The following ACACA variants were observed in gnomAD, a reference collection of about 807,000 sequenced individuals.
ACACA encodes acetyl-CoA carboxylase alpha.
ACACA carries 103 observed loss-of-function variants against 296.1 expected under a neutral mutation model. The observed-to-expected ratio is 0.35, with a 90% confidence interval of 0.30 to 0.41. The LOEUF (loss-of-function observed/expected upper bound fraction) is 0.41, where lower values mean the gene tolerates loss of function less well. Among genes scored for constraint, ACACA ranks in the 10% least tolerant of loss-of-function variants. The pLI, the probability that ACACA is intolerant of heterozygous loss-of-function variation, is 1.00. For synonymous variants in ACACA, 953 were observed against 1,038.6 expected (o/e 0.92, Z 1.58); for missense variants, 1,554 against 2,989.7 (o/e 0.52, Z 11.20).
intron 30 of ACACA, 94 bp from the exon 31 acceptor site, chr17:37,207,894 T>G: frequency 1.4e-5 from 20 of 1,451,698 alleles, no homozygotes; most frequent in Non-Finnish European, 1.8e-5. Flanking sequence ...GAGAAAACTC[T>G]GAAGTAGGGT....
chr17:37,155,583 A>G (rs553136968), intron 43 of ACACA, 100 bp downstream of exon 43: 74 of 833,908 alleles, frequency 8.9e-5, no homozygotes, highest in Admixed American at 3.8e-4. Flanking sequence ...GTCATCTTCA[A>G]TGTTCTTCAA....
At position 37,206,804 on chromosome 17, in the gene ACACA, C is replaced by T. The variant is rs551257815; in HGVS notation, c.3927G>A (p.Thr1309=). 104 of 1,612,386 alleles carry T rather than the reference C, an allele frequency of 6.5e-5. 1 individual carries two copies. Among genetic ancestry groups the T allele is most frequent in the South Asian group, 3.7e-4 (34 of 91,024 alleles). ...QSPTFPEAGH[T]SLYDEDKVPR... The stretch of plus-strand genomic sequence containing the variant: ...ATACCTTATCCTCATCATAAAGAGA[C>T]GTGTGACCTGCCTCAGGGAATGTGG... The change falls in exon 32 of 56, where the codon ACG becomes ACA. Residue 1309 remains threonine (T), a synonymous_variant. Transcript: ENST00000616317.
intron 39 of ACACA, among the ~76,000 whole-genome samples, chr17:37,185,528 G>A: frequency 6.8e-6 from 1 of 148,004 alleles, no homozygotes; most frequent in East Asian, 2.0e-4. Context: ...TGGGATTACA[G>A]GTATGAGCCA....
chr17:37,275,223 C>T (rs561837385), intron 8 of ACACA, among the ~76,000 whole-genome samples: 4 of 152,138 alleles, frequency 2.6e-5, no homozygotes, highest in South Asian at 2.1e-4. Context: ...TGGCGCCAGG[C>T]GCGGTGGCTC....
intron 29 of ACACA, among the ~76,000 whole-genome samples, chr17:37,214,293 C>T (rs2078887630): frequency 1.3e-5 from 2 of 152,184 alleles, no homozygotes; most frequent in Admixed American, 1.3e-4. Context: ...TGGCATCTCC[C>T]CCACCACCTC....
At chr17:37,233,347 G>T (rs554708178) in intron 25 of ACACA, among the ~76,000 whole-genome samples, 77 of 152,302 alleles carry the variant, frequency 5.1e-4, no homozygotes, top group African/African-American at 1.8e-3. Context: ...AGATTCTTAA[G>T]GCAAGCGTTA....
intron 1 of ACACA, among the ~76,000 whole-genome samples, chr17:37,344,686 T>C (rs1192653465): frequency 6.6e-6 from 1 of 152,058 alleles, no homozygotes; most frequent in Admixed American, 6.6e-5. Context: ...AGAAGAGCAA[T>C]AAATGACTAG....
At chr17:37,132,012 C>T (rs1477336961) in intron 45 of ACACA, among the ~76,000 whole-genome samples, 1 of 152,172 alleles carries the variant, frequency 6.6e-6, no homozygotes, top group Non-Finnish European at 1.5e-5. Flanking sequence ...TTCTCATTCT[C>T]CTGCTGTCTC....
intron 25 of ACACA, among the ~76,000 whole-genome samples, chr17:37,228,749 T>C (rs1053781381): frequency 2.0e-5 from 3 of 152,128 alleles, no homozygotes; most frequent in African/African-American, 7.2e-5. Flanking sequence ...CCAAAATGCC[T>C]AAAAACATAA....
At chr17:37,373,516 G>GA (rs2049882600) in intron 1 of ACACA, among the ~76,000 whole-genome samples, 1 of 149,240 alleles carries the variant, frequency 6.7e-6, no homozygotes, top group South Asian at 2.1e-4. Context: ...AACGTGCTGG[G>GA]ATTACAGGTG....
At position 37,305,525 on chromosome 17, in the gene ACACA, T is replaced by C. The variant is rs562265475; in HGVS notation, c.339-20555A>G. On this transcript the variant is annotated intron_variant, in intron 3 of 55. Transcript: ENST00000616317. Reference sequence around the variant, plus strand: ...AGTATGGGGGATATAGAGTAGTGCATTCAAAGTTCAGGTTTTTCAAGTCTG... The same window carrying C: ...AGTATGGGGGATATAGAGTAGTGCACTCAAAGTTCAGGTTTTTCAAGTCTG... Among the ~76,000 whole-genome samples the C allele has an allele frequency of 2.6e-5, 4 of 152,312 alleles. No individual in the cohort carries two copies. In the East Asian group the frequency reaches 5.8e-4, roughly 22 times the overall value.
intron 1 of ACACA, among the ~76,000 whole-genome samples, chr17:37,374,625 C>G (rs569113879): frequency 3.5e-4 from 54 of 152,122 alleles, no homozygotes; most frequent in Non-Finnish European, 6.5e-4. Context: ...TATGCCATGA[C>G]AAAGTCTACA....
Position 37,248,598 on chromosome 17 carries a change from G to C in ACACA, c.2158C>G (p.Leu720Val). ...ELIYEGVKYV[L>V]KVTRQSPNSY... ...TCCAATGGGGTTCTGCATACCTTAA[G>C]TACATACTTGACTCCCTCATAGATA... Residue 720 changes from leucine (L) to valine (V), a missense_variant, in exon 17 of 56, where the codon CTT becomes GTT. By Grantham distance (32) the Leu-to-Val change is conservative. Transcript: ENST00000616317. 1 of 1,602,258 alleles carries C rather than the reference G, an allele frequency of 6.2e-7. No individual in the cohort carries two copies. The highest frequency in any genetic ancestry group is 8.5e-7 in the Non-Finnish European group (1 of 1,169,882).
Position 37,379,415 on chromosome 17 carries a change from T to A in ACACA, c.38+26847A>T, listed in dbSNP as rs1489859131. 5 of 1,599,766 alleles carry A rather than the reference T, an allele frequency of 3.1e-6. No individual in the cohort carries two copies. In the African/African-American group the frequency reaches 6.7e-5, roughly 21 times the overall value. On this transcript the variant is annotated intron_variant, in intron 1 of 55. Transcript: ENST00000616317. ...TGGAAAAGAGGAAGGGGGCAGGCACTAACTTTTAGTTGACATCCTTGAAGG... is the reference window on the plus strand; with the variant it reads ...TGGAAAAGAGGAAGGGGGCAGGCACAAACTTTTAGTTGACATCCTTGAAGG...
intron 1 of ACACA, among the ~76,000 whole-genome samples, chr17:37,345,550 TG>T (rs993333411): frequency 1.3e-5 from 2 of 151,894 alleles, no homozygotes; most frequent in Non-Finnish European, 2.9e-5. Context: ...AACTTCAACA[TG>T]AAAGACTAAA....
At chr17:37,359,142 G>A (rs912843633) in intron 1 of ACACA, 25 of 985,252 alleles carry the variant, frequency 2.5e-5, no homozygotes, top group Non-Finnish European at 2.9e-5. Context: ...AAGGGGCGGG[G>A]CTTCAGGGGC....
intron 10 of ACACA, among the ~76,000 whole-genome samples, chr17:37,265,728 T>C (rs2081736004): frequency 6.6e-6 from 1 of 152,198 alleles, no homozygotes; most frequent in African/African-American, 2.4e-5. Flanking sequence ...TTGTTTTGTT[T>C]TGTTTTTCAG....
At chr17:37,396,269 G>A (rs940818528) in intron 1 of ACACA, among the ~76,000 whole-genome samples, 5 of 151,814 alleles carry the variant, frequency 3.3e-5, no homozygotes, top group African/African-American at 1.2e-4. Context: ...GAACCCAGGA[G>A]GCAGAGGTTG....
At chr17:37,242,697 C>T (rs540786817) in intron 22 of ACACA, among the ~76,000 whole-genome samples, 154 of 152,222 alleles carry the variant, frequency 1.0e-3, no homozygotes, top group African/African-American at 3.5e-3. Flanking sequence ...CACCACTGCA[C>T]TCCAGCCTTG....
Sources: gnomAD v4.1 joint callset for allele counts (sites outside exome capture counted in the v4.1 genomes callset) on GRCh38, gnomAD v4.1.1 for gene constraint, MANE v1.5 for transcripts, NCBI Gene and HGNC (gene_info 2026-07-23, HGNC 2026-07-21) for gene names.